Variants in TTLL5 observed in about 807,000 individuals in gnomAD.
TTLL5 encodes tubulin polyglutamylase TTLL5.
In TTLL5, 132 loss-of-function variants were observed where a neutral mutation model predicts 168.4. That is an observed-to-expected ratio of 0.78 (90% confidence interval 0.68 to 0.91). The LOEUF (loss-of-function observed/expected upper bound fraction) is 0.91, where lower values mean the gene tolerates loss of function less well. Ranked by LOEUF, TTLL5 falls within the 40% of genes least tolerant of loss-of-function variation. The pLI is 0.00. For synonymous variants in TTLL5, 546 were observed against 558.6 expected (o/e 0.98, Z 0.32); for missense variants, 1,545 against 1,581.5 (o/e 0.98, Z 0.39).
chr14:75,810,943 A>G (rs1893959025), intron 27 of TTLL5, among the ~76,000 whole-genome samples: 1 of 152,202 alleles, frequency 6.6e-6, no homozygotes, highest in African/African-American at 2.4e-5. Flanking sequence ...TCTCAACTCT[A>G]GTCACTGATC....
At chr14:75,900,443 C>G (rs2032874102) in intron 30 of TTLL5, among the ~76,000 whole-genome samples, 1 of 152,190 alleles carries the variant, frequency 6.6e-6, no homozygotes, top group Admixed American at 6.5e-5. Context: ...CCACCTGACT[C>G]TCCAGGTGCA....
intron 28 of TTLL5, among the ~76,000 whole-genome samples, chr14:75,855,890 T>G (rs1395760569): frequency 6.6e-6 from 1 of 152,170 alleles, no homozygotes; most frequent in East Asian, 1.9e-4. Flanking sequence ...GGATACAATA[T>G]GAAATTATTT....
intron 27 of TTLL5, among the ~76,000 whole-genome samples, chr14:75,806,419 G>A (rs1428334129): frequency 6.6e-6 from 1 of 152,174 alleles, no homozygotes; most frequent in Non-Finnish European, 1.5e-5. Context: ...ATAATGGGAA[G>A]CCCAGGCTGT....
rs546018502 is a variant in TTLL5 at position 75,714,769 on chromosome 14, C to G, written c.741-3092C>G. On this transcript the variant is annotated intron_variant, in intron 9 of 31. Transcript: ENST00000298832. The stretch of plus-strand genomic sequence containing the variant: ...ATTCTATCCCTGGAATCAACCATTT[C>G]TCCAAGGAGCACTGGTTGCTTTTTC... Among the ~76,000 whole-genome samples, 226 of 152,296 alleles carry G rather than the reference C, an allele frequency of 1.5e-3. 1 individual carries two copies. The highest frequency in any genetic ancestry group is 2.1e-3 in the Non-Finnish European group (145 of 68,038).
chr14:75,871,983 TACAG>T (rs1268569104), intron 29 of TTLL5, among the ~76,000 whole-genome samples: 1 of 152,224 alleles, frequency 6.6e-6, no homozygotes, highest in African/African-American at 2.4e-5. Flanking sequence ...ACACATAAGA[TACAG>T]ACACGTTAGG....
Position 75,766,215 on chromosome 14 carries a change from C to T in TTLL5, c.1862C>T (p.Ser621Leu). 6.2e-7 allele frequency: 1 copy of T among 1,614,016 alleles called. No individual in the cohort carries two copies. Among genetic ancestry groups the T allele is most frequent in the Non-Finnish European group, 8.5e-7 (1 of 1,179,980 alleles). ...LRENQAKYTP[S>L]LTALVENTPK... Reference sequence around the variant, plus strand: ...GAAAATCAAGCCAAATATACACCCTCATTGACAGCTTTGGTAGAAAATACA... The same window carrying T: ...GAAAATCAAGCCAAATATACACCCTTATTGACAGCTTTGGTAGAAAATACA... Residue 621 changes from serine to leucine, a missense_variant, in exon 20 of 32, where the codon TCA (serine) becomes TTA (leucine). Ser to Leu is a moderately radical substitution (Grantham distance 145). Transcript: ENST00000298832.
chr14:75,891,049 G>A (rs1186931196), intron 30 of TTLL5, among the ~76,000 whole-genome samples: 1 of 152,132 alleles, frequency 6.6e-6, no homozygotes, highest in Non-Finnish European at 1.5e-5. Flanking sequence ...AGGCTTCCAG[G>A]TGCGCACAAG....
chr14:75,706,821 C>T (rs1453161647), intron 7 of TTLL5, among the ~76,000 whole-genome samples, 197 bp from the exon 8 acceptor site: 2 of 151,592 alleles, frequency 1.3e-5, no homozygotes, highest in Non-Finnish European at 2.9e-5. Flanking sequence ...TTTCCTGCAT[C>T]GTAATTGGAT....
intron 5 of TTLL5, among the ~76,000 whole-genome samples, chr14:75,686,270 T>C (rs908190663): frequency 6.6e-6 from 1 of 152,192 alleles, no homozygotes; most frequent in Non-Finnish European, 1.5e-5. Flanking sequence ...ACCCCTGATA[T>C]AATAGTAATT....
chr14:75,679,740 C>T (rs557828855), intron 3 of TTLL5, among the ~76,000 whole-genome samples: 1 of 152,206 alleles, frequency 6.6e-6, no homozygotes, highest in African/African-American at 2.4e-5. Flanking sequence ...ATATTCTAAG[C>T]CTATTTTGTG....
intron 30 of TTLL5, among the ~76,000 whole-genome samples, chr14:75,897,453 T>C (rs1489835793): frequency 6.6e-6 from 1 of 152,018 alleles, no homozygotes; most frequent in African/African-American, 2.4e-5. Context: ...AGTTTTTATT[T>C]TATTTTATTT....
chr14:75,683,444 A>T, intron 4 of TTLL5, 106 bp from the exon 5 acceptor site: 2 of 886,528 alleles, frequency 2.3e-6, no homozygotes, highest in Non-Finnish European at 3.7e-6. Flanking sequence ...CCCGGTGAGT[A>T]CACTGTGGAT....
At chr14:75,770,758 A>G (rs573686956) in intron 20 of TTLL5, among the ~76,000 whole-genome samples, 24 of 152,332 alleles carry the variant, frequency 1.6e-4, no homozygotes, top group Non-Finnish European at 2.4e-4. Context: ...GCTTTTCACA[A>G]GACTTGAGGA....
intron 18 of TTLL5, among the ~76,000 whole-genome samples, chr14:75,755,803 T>G (rs184994871): frequency 6.6e-6 from 1 of 152,186 alleles, no homozygotes; most frequent in African/African-American, 2.4e-5. Context: ...ATTTTGTTAT[T>G]ATTAGGACCA....
At chr14:75,699,149 T>G in intron 6 of TTLL5, 39 bp from the exon 7 acceptor site, 1 of 1,558,932 alleles carries the variant, frequency 6.4e-7, no homozygotes, top group Non-Finnish European at 8.8e-7. Flanking sequence ...TTCTTTTTCT[T>G]TGTTTCCTCT....
rs10571332 is a variant in TTLL5 at position 75,914,619 on chromosome 14, G to GT, written c.3823+12417dup. Among the ~76,000 whole-genome samples, 507 of 96,060 alleles carry GT rather than the reference G, an allele frequency of 5.3e-3. 9 individuals carry two copies. Among genetic ancestry groups the GT allele is most frequent in the African/African-American group, 0.014 (340 of 23,824 alleles). 63.0% of individuals were successfully genotyped at this position (96,060 alleles called of 152,430 possible). A position where few individuals can be genotyped will look rare whatever the true frequency, so the allele number is the denominator to read the frequency against. ...TAATGAATGATTGATCACTACTCTT[G>GT]TTTTTTTTTTTTTTTTTTTTTTGAG... On this transcript the variant is annotated intron_variant, in intron 31 of 31. Coordinates refer to ENST00000298832, the MANE Select transcript of TTLL5 (RefSeq NM_015072.5).
intron 6 of TTLL5, 114 bp downstream of exon 6, chr14:75,690,436 C>G: frequency 7.7e-7 from 1 of 1,306,814 alleles, no homozygotes; most frequent in South Asian, 1.7e-5. Context: ...CCTTAGACAA[C>G]TGTGACTCTT....
intron 28 of TTLL5, among the ~76,000 whole-genome samples, chr14:75,831,229 G>A (rs1258947567): frequency 6.6e-6 from 1 of 152,148 alleles, no homozygotes; most frequent in Non-Finnish European, 1.5e-5. Flanking sequence ...ATCCTCTTAG[G>A]ATCTTCTGTA....
chr14:75,755,164 C>CT (rs1890169522), intron 18 of TTLL5, among the ~76,000 whole-genome samples: 1 of 151,954 alleles, frequency 6.6e-6, no homozygotes, highest in Non-Finnish European at 1.5e-5. Context: ...CTTGGGAAGG[C>CT]TGAGGCAGGA....
Sources: gnomAD v4.1 joint callset for allele counts (sites outside exome capture counted in the v4.1 genomes callset) on GRCh38, gnomAD v4.1.1 for gene constraint, MANE v1.5 for transcripts, NCBI Gene and HGNC (gene_info 2026-07-23, HGNC 2026-07-21) for gene names.